Variants in MAML3 observed in about 807,000 individuals in gnomAD.
MAML3 encodes mastermind like transcriptional coactivator 3, also known as mastermind-like protein 3.
MAML3 carries 27 observed loss-of-function variants against 101.9 expected under a neutral mutation model. The ratio of observed to expected loss-of-function variants is 0.27; its 90% confidence interval spans 0.20 to 0.37. The LOEUF is 0.37. MAML3 is among the 10% of genes least tolerant of loss of function. The pLI, the probability that MAML3 is intolerant of heterozygous loss-of-function variation, is 1.00. For synonymous variants in MAML3, 501 were observed against 555.9 expected, an observed-to-expected ratio of 0.90 and a Z score of 1.39; for missense variants, 1,316 against 1,444.9, an observed-to-expected ratio of 0.91 and a Z score of 1.45.
At chr4:140,019,053 C>G (rs750054491) in intron 1 of MAML3, among the ~76,000 whole-genome samples, 1 of 147,094 alleles carries the variant, frequency 6.8e-6, no homozygotes, top group Non-Finnish European at 1.5e-5. Context: ...ACCTCAACCT[C>G]TTGACAAACT....
chr4:140,106,016 C>A (rs1330420777), intron 1 of MAML3, among the ~76,000 whole-genome samples: 4 of 150,792 alleles, frequency 2.7e-5, no homozygotes, highest in Non-Finnish European at 5.9e-5. Flanking sequence ...ATAATTCCAT[C>A]ACTCTGCATT....
intron 2 of MAML3, among the ~76,000 whole-genome samples, chr4:139,804,335 T>C (rs980113557): frequency 6.6e-6 from 1 of 151,976 alleles, no homozygotes; most frequent in African/African-American, 2.4e-5. Flanking sequence ...GGCGTGATCT[T>C]GACTCACTGC....
intron 1 of MAML3, among the ~76,000 whole-genome samples, chr4:140,136,091 T>A (rs1375720460): frequency 6.6e-6 from 1 of 152,176 alleles, no homozygotes; most frequent in Non-Finnish European, 1.5e-5. Context: ...CACACTGATC[T>A]CTGGTGACAG....
At chr4:139,758,329 G>T (rs879349954) in intron 2 of MAML3, among the ~76,000 whole-genome samples, 4 of 152,168 alleles carry the variant, frequency 2.6e-5, no homozygotes, top group Non-Finnish European at 5.9e-5. Context: ...CTGAGTATAC[G>T]TTGCTGTGTA....
chr4:139,873,167 A>G (rs1389258021), intron 2 of MAML3, among the ~76,000 whole-genome samples: 1 of 152,236 alleles, frequency 6.6e-6, no homozygotes, highest in Non-Finnish European at 1.5e-5. Context: ...TTCACATTTG[A>G]CCACAGAATG....
In MAML3 at chr4:139,768,330, CT is replaced by C. The variant is rs898987824; in HGVS notation, c.2080-37664del. Among the ~76,000 whole-genome samples, 4 of 150,632 alleles carry C rather than the reference CT, an allele frequency of 2.7e-5. No individual in the cohort carries two copies. The East Asian group carries it at 7.8e-4, about 29-fold the overall frequency. On this transcript the variant is annotated intron_variant, in intron 2 of 4. Coordinates refer to ENST00000509479, the MANE Select transcript of MAML3 (RefSeq NM_018717.5). The stretch of plus-strand genomic sequence containing the variant: ...TTTTTGTTGCACTTGCTTTTAAGGA[CT>C]TAGAACTTTCTCAAATATATTTTTG...
At chr4:139,783,566 G>C (rs942078987) in intron 2 of MAML3, among the ~76,000 whole-genome samples, 1 of 152,172 alleles carries the variant, frequency 6.6e-6, no homozygotes, top group Admixed American at 6.5e-5. Flanking sequence ...TCCAGCCCCT[G>C]GACTCCAACG....
At chr4:140,000,328 C>A (rs2110842773) in intron 1 of MAML3, among the ~76,000 whole-genome samples, 1 of 151,774 alleles carries the variant, frequency 6.6e-6, no homozygotes, top group Non-Finnish European at 1.5e-5. Context: ...TTCCCCTATC[C>A]CTGAAGAAAA....
intron 2 of MAML3, among the ~76,000 whole-genome samples, chr4:139,862,513 CTCT>C (rs1731801751): frequency 1.3e-5 from 2 of 152,198 alleles, no homozygotes; most frequent in East Asian, 3.9e-4. Flanking sequence ...GCTCAAATAT[CTCT>C]TCTGACCATT....
chr4:139,771,899 T>C (rs992291686), intron 2 of MAML3, among the ~76,000 whole-genome samples: 1 of 151,006 alleles, frequency 6.6e-6, no homozygotes, highest in African/African-American at 2.4e-5. Flanking sequence ...ATCATTGCTA[T>C]GTCTTGAAAG....
intron 2 of MAML3, chr4:139,731,435 T>TAAAAAAAAAAAAAAAA (rs70943437): frequency 2.6e-5 from 1 of 38,716 alleles, no homozygotes; most frequent in African/African-American, 7.8e-5. Flanking sequence ...CTGTCTCTAC[T>TAAAAAAAAAAAAAAAA]AAAAAAAAAA....
intron 1 of MAML3, among the ~76,000 whole-genome samples, chr4:140,029,864 C>A (rs1014184060): frequency 2.6e-5 from 4 of 152,062 alleles, no homozygotes; most frequent in Admixed American, 1.3e-4. Context: ...CATATTTTAA[C>A]CAAAGTTACT....
chr4:139,777,153 T>G (rs1012942373), intron 2 of MAML3, among the ~76,000 whole-genome samples: 2 of 152,148 alleles, frequency 1.3e-5, no homozygotes, highest in African/African-American at 4.8e-5. Context: ...AAGCTGACGG[T>G]TCTTCAGACA....
intron 2 of MAML3, among the ~76,000 whole-genome samples, chr4:139,884,595 T>C (rs1297893410): frequency 6.6e-6 from 1 of 152,256 alleles, no homozygotes; most frequent in African/African-American, 2.4e-5. Context: ...TTGGTTTACT[T>C]CTTTCATAGT....
At chr4:139,756,496 AG>A (rs1401106758) in intron 2 of MAML3, among the ~76,000 whole-genome samples, 2 of 152,234 alleles carry the variant, frequency 1.3e-5, no homozygotes, top group Non-Finnish European at 2.9e-5. Context: ...CTGAGAGTCA[AG>A]GACTCCAAGC....
At chr4:139,991,882 T>C (rs1169069225) in intron 1 of MAML3, among the ~76,000 whole-genome samples, 6 of 152,082 alleles carry the variant, frequency 3.9e-5, no homozygotes, top group Non-Finnish European at 8.8e-5. Context: ...ATTTTAAGTA[T>C]ATAATTAAAA....
At chr4:139,819,662 A>G (rs767804722) in intron 2 of MAML3, among the ~76,000 whole-genome samples, 14 of 152,208 alleles carry the variant, frequency 9.2e-5, no homozygotes, top group Non-Finnish European at 4.4e-5. Flanking sequence ...TAAACGCCCA[A>G]GTGTTCTCAG....
Position 139,719,898 on chromosome 4 carries a change from T to C in MAML3, c.2842A>G (p.Arg948Gly), listed in dbSNP as rs1728159994. The C allele has an allele frequency of 6.2e-7, 1 of 1,613,904 alleles. No individual in the cohort carries two copies. Among genetic ancestry groups the C allele is most frequent in the Admixed American group, 1.7e-5 (1 of 60,014 alleles). ...ACTGTTCCCATAAGGCTCTGCAGCC[T>C]TGGAGGGGCTTGGGGCCTAGGCAAG... Reference protein sequence around the residue: ...QALPRPQAPPRLQSLMGTVQQ... With the variant: ...QALPRPQAPPGLQSLMGTVQQ... Residue 948 changes from arginine to glycine, a missense_variant, in exon 5 of 5, where the codon AGG (arginine) becomes GGG (glycine). Coordinates refer to ENST00000509479, the MANE Select transcript of MAML3 (RefSeq NM_018717.5).
chr4:139,814,093 A>G (rs146284105), intron 2 of MAML3, among the ~76,000 whole-genome samples: 2 of 151,832 alleles, frequency 1.3e-5, no homozygotes, highest in East Asian at 3.9e-4. Context: ...ATATATCAAT[A>G]AGTAGGAAGA....
Sources: allele counts gnomAD v4.1 joint callset (sites outside exome capture counted in the v4.1 genomes callset), GRCh38; gene constraint gnomAD v4.1.1; transcripts MANE v1.5; gene names NCBI Gene and HGNC (gene_info 2026-07-23, HGNC 2026-07-21).